Variants in DPYD observed in about 807,000 individuals in gnomAD.
DPYD encodes the protein dihydropyrimidine dehydrogenase [NADP(+)].
In DPYD, 109 loss-of-function variants were observed where a neutral mutation model predicts 116.2. The ratio of observed to expected loss-of-function variants is 0.94; its 90% CI spans 0.80 to 1.10. The LOEUF (loss-of-function observed/expected upper bound fraction) is 1.10. Among genes scored for constraint, DPYD ranks in the 50% least tolerant of loss-of-function variants. DPYD has a pLI of 0.00. For synonymous variants in DPYD, 440 were observed against 432.0 expected (o/e 1.02, Z -0.23); for missense variants, 1,302 against 1,254.5 (o/e 1.04, Z -0.57).
In DPYD at chr1:97,567,615, T is replaced by C. The variant is rs546178460; in HGVS notation, c.1339+6145A>G. Among the ~76,000 whole-genome samples the C allele has an allele frequency of 3.0e-3, 457 of 152,268 alleles. 1 individual carries two copies. Among genetic ancestry groups the C allele is most frequent in the African/African-American group, 0.011 (442 of 41,570 alleles). The stretch of plus-strand genomic sequence containing the variant: ...CAACATGATGCTGAGTCCCTCACCA[T>C]TCATCCTAACATCTTCCTTCCCAAA... On this transcript the variant is annotated intron_variant, in intron 11 of 22. Coordinates refer to ENST00000370192, the MANE Select transcript of DPYD (RefSeq NM_000110.4).
intron 8 of DPYD, among the ~76,000 whole-genome samples, chr1:97,600,576 T>C (rs1655187779): frequency 6.6e-6 from 1 of 152,206 alleles, no homozygotes; most frequent in African/African-American, 2.4e-5. Flanking sequence ...AAAATTCTAG[T>C]TCTAGCACTT....
intron 3 of DPYD, among the ~76,000 whole-genome samples, chr1:97,817,555 T>A (rs997606272): frequency 3.3e-5 from 5 of 152,048 alleles, no homozygotes; most frequent in Non-Finnish European, 5.9e-5. Context: ...TTGTGACATA[T>A]ATACCAAATA....
chr1:97,249,061 A>T (rs1446300343), intron 18 of DPYD, among the ~76,000 whole-genome samples: 2 of 152,182 alleles, frequency 1.3e-5, no homozygotes, highest in Non-Finnish European at 2.9e-5. Flanking sequence ...TCAAAACAAA[A>T]ATCCAAAAAG....
chr1:97,507,137 A>G (rs1005964564), intron 13 of DPYD, among the ~76,000 whole-genome samples: 2 of 152,020 alleles, frequency 1.3e-5, no homozygotes, highest in Non-Finnish European at 2.9e-5. Flanking sequence ...TGTGAACTGT[A>G]GCCATTTAAT....
intron 18 of DPYD, among the ~76,000 whole-genome samples, chr1:97,276,888 C>G (rs1192509925): frequency 6.6e-6 from 1 of 151,984 alleles, no homozygotes. Flanking sequence ...ATTGTTCTAC[C>G]AAAAAGACAC....
chr1:97,255,671 A>G (rs493517), intron 18 of DPYD, among the ~76,000 whole-genome samples: 61,026 of 150,840 alleles, frequency 0.4, 12,521 homozygotes, highest in Middle Eastern at 0.47. Context: ...ATATGAAAAC[A>G]GACTAATACA....
At chr1:97,101,286 A>AT (rs1270794991) in intron 20 of DPYD, among the ~76,000 whole-genome samples, 1 of 151,924 alleles carries the variant, frequency 6.6e-6, no homozygotes, top group Admixed American at 6.6e-5. Context: ...TAGTTTGAAA[A>AT]TTTAAGTGCT....
chr1:97,615,570 C>G (rs1037668344), intron 8 of DPYD, among the ~76,000 whole-genome samples: 1 of 152,106 alleles, frequency 6.6e-6, no homozygotes, highest in African/African-American at 2.4e-5. Flanking sequence ...AATAATCTTT[C>G]AAATTAATCT....
chr1:97,365,472 T>C (rs1670980536), intron 16 of DPYD, among the ~76,000 whole-genome samples: 4 of 152,358 alleles, frequency 2.6e-5, no homozygotes, highest in Middle Eastern at 6.8e-3. Flanking sequence ...TTCATCCTTA[T>C]GCTATAGTCA....
intron 13 of DPYD, among the ~76,000 whole-genome samples, chr1:97,490,100 GA>G (rs1436448341): frequency 6.6e-6 from 1 of 151,800 alleles, no homozygotes; most frequent in Non-Finnish European, 1.5e-5. Flanking sequence ...GTGCTATTGT[GA>G]AAACTTACAC....
chr1:97,836,935 T>C (rs1442381513), intron 2 of DPYD, among the ~76,000 whole-genome samples: 3 of 152,122 alleles, frequency 2.0e-5, no homozygotes, highest in African/African-American at 4.8e-5. Flanking sequence ...TAAAATAGTA[T>C]TCATGATCAT....
At chr1:97,359,363 G>C (rs773059905) in intron 16 of DPYD, among the ~76,000 whole-genome samples, 3 of 152,130 alleles carry the variant, frequency 2.0e-5, no homozygotes, top group Non-Finnish European at 2.9e-5. Context: ...GGGGAGAATG[G>C]AACCAAGTTG....
chr1:97,226,113 C>T (rs1661136690), intron 19 of DPYD, among the ~76,000 whole-genome samples: 1 of 152,058 alleles, frequency 6.6e-6, no homozygotes, highest in South Asian at 2.1e-4. Flanking sequence ...TATAACAACA[C>T]ATTAAGAGAA....
chr1:97,147,199 T>G (rs1313786653), intron 20 of DPYD, among the ~76,000 whole-genome samples: 2 of 151,982 alleles, frequency 1.3e-5, no homozygotes, highest in Admixed American at 6.6e-5. Flanking sequence ...ACTACAAAAA[T>G]TAGCTGGGCA....
intron 20 of DPYD, among the ~76,000 whole-genome samples, chr1:97,163,424 T>G (rs374141861): frequency 6.6e-6 from 1 of 152,320 alleles, no homozygotes; most frequent in South Asian, 2.1e-4. Flanking sequence ...AACACATAGT[T>G]TCCTGTGAAC....
chr1:97,528,541 C>T (rs1485480893), intron 12 of DPYD, among the ~76,000 whole-genome samples: 1 of 152,062 alleles, frequency 6.6e-6, no homozygotes, highest in Admixed American at 6.6e-5. Context: ...ACCTCTACCC[C>T]CAATTATCAG....
chr1:97,621,568 T>C (rs550065209), intron 8 of DPYD, among the ~76,000 whole-genome samples: 110 of 152,254 alleles, frequency 7.2e-4, no homozygotes, highest in South Asian at 5.2e-3. Context: ...TCCACATACA[T>C]GTATATGCAT....
Position 97,549,696 on chromosome 1 carries a change from T to A in DPYD, c.1388A>T (p.Glu463Val). 6.2e-7 allele frequency: 1 copy of A among 1,613,846 alleles called. No homozygotes were observed. Among genetic ancestry groups the A allele is most frequent in the Non-Finnish European group, 8.5e-7 (1 of 1,179,876 alleles). Reference protein sequence around the residue: ...PIKFNRWGLPEVDPETMQTSE... With the variant: ...PIKFNRWGLPVVDPETMQTSE... ...AGTTTGCATAGTTTCTGGATCTACT[T>A]CTGGGAGACCCCATCTGTTAAATTT... The change falls in exon 12 of 23, where the codon GAA becomes GTA. Residue 463 changes from glutamate (E) to valine (V), a missense_variant. By Grantham distance (121) the Glu-to-Val change is moderately radical. Transcript: ENST00000370192.
intron 14 of DPYD, among the ~76,000 whole-genome samples, chr1:97,433,530 G>A (rs1675296917): frequency 6.6e-6 from 1 of 152,128 alleles, no homozygotes; most frequent in Admixed American, 6.6e-5. Flanking sequence ...TTTTAGGTAA[G>A]TTTTTTAAAA....
Sources: gnomAD v4.1 joint callset for allele counts (sites outside exome capture counted in the v4.1 genomes callset) on GRCh38, gnomAD v4.1.1 for gene constraint, MANE v1.5 for transcripts, NCBI Gene and HGNC (gene_info 2026-07-23, HGNC 2026-07-21) for gene names.